The following EXOC4 variants were observed in gnomAD, a reference collection of about 807,000 sequenced individuals.
EXOC4 encodes the protein SEC8-like 1.
A neutral mutation model predicts 107.2 loss-of-function variants in EXOC4; 71 were observed. The observed-to-expected ratio is 0.66, with a 90% CI of 0.55 to 0.81. EXOC4 has a LOEUF of 0.81. EXOC4 is among the 30% of genes least tolerant of loss of function. The pLI is 0.00. For synonymous variants in EXOC4, 456 were observed against 441.2 expected, an observed-to-expected ratio of 1.03 and a Z score of -0.42; for missense variants, 1,108 against 1,189.6, an observed-to-expected ratio of 0.93 and a Z score of 1.01.
chr7:134,055,493 G>A (rs1795899782), intron 17 of EXOC4, among the ~76,000 whole-genome samples: 1 of 152,162 alleles, frequency 6.6e-6, no homozygotes, highest in Admixed American at 6.5e-5. Flanking sequence ...CGCTTTCGTT[G>A]ATGGGAGCAT....
At chr7:133,795,730 T>A (rs1563001155) in intron 10 of EXOC4, among the ~76,000 whole-genome samples, 1 of 152,200 alleles carries the variant, frequency 6.6e-6, no homozygotes, top group Non-Finnish European at 1.5e-5. Flanking sequence ...TGGTGGAACT[T>A]ATGTGACAAA....
rs138928731 is a variant in EXOC4, at chr7:133,886,293, G to T, written c.1735-9306G>T. On this transcript the variant is annotated intron_variant, in intron 11 of 17. Transcript: ENST00000253861. ...TTTGATTCAGTATTTTCCAAATTATGTGGACCGGGAGCCAATTTTCTGTAA... is the reference window on the plus strand; with the variant it reads ...TTTGATTCAGTATTTTCCAAATTATTTGGACCGGGAGCCAATTTTCTGTAA... Among the ~76,000 whole-genome samples the T allele has an allele frequency of 2.4e-3, 365 of 152,276 alleles. 5 individuals carry two copies. The highest frequency in any genetic ancestry group is 8.2e-3 in the African/African-American group (341 of 41,564).
At chr7:133,334,903 C>G (rs1795476701) in intron 5 of EXOC4, among the ~76,000 whole-genome samples, 1 of 152,176 alleles carries the variant, frequency 6.6e-6, no homozygotes, top group Admixed American at 6.5e-5. Context: ...AGGACATGAT[C>G]TCGTTCTTTT....
Position 133,570,715 on chromosome 7 carries a change from A to G in EXOC4, c.1418-59330A>G, listed in dbSNP as rs925641607. On this transcript the variant is annotated intron_variant, in intron 9 of 17. Transcript: ENST00000253861. ...AACCAGGACTCTTATCCACTCCTCA[A>G]TATTTTTTTTTGATGTATGGTTTTT... Among the ~76,000 whole-genome samples the G allele has an allele frequency of 5.3e-5, 8 of 152,280 alleles. 1 individual carries two copies. In the Middle Eastern group the frequency reaches 0.01, roughly 194 times the overall value.
chr7:133,257,989 G>T (rs1225500818), intron 1 of EXOC4, among the ~76,000 whole-genome samples: 2 of 152,302 alleles, frequency 1.3e-5, no homozygotes, highest in East Asian at 3.9e-4. Context: ...ACTCTGTTCT[G>T]AGCCGAGTCT....
At position 133,253,827 on chromosome 7, in the gene EXOC4, C is replaced by T. The variant is rs549961987; in HGVS notation, c.86+640C>T. The stretch of plus-strand genomic sequence containing the variant: ...TCAAATTATCCTCCATGCACTGCCC[C>T]TCTGCACCTCCCAGAAGATTAGGGT... On this transcript the variant is annotated intron_variant, in intron 1 of 17. Coordinates refer to ENST00000253861, the MANE Select transcript of EXOC4 (RefSeq NM_021807.4). The T allele has an allele frequency of 2.0e-5, 3 of 152,322 alleles. No individual in the cohort carries two copies. In the South Asian group the frequency reaches 6.2e-4, roughly 32 times the overall value. 9.4% of individuals were successfully genotyped at this position (152,322 alleles called of 1,614,324 possible).
intron 7 of EXOC4, among the ~76,000 whole-genome samples, chr7:133,389,109 A>G (rs1796794114): frequency 3.3e-5 from 5 of 152,324 alleles, no homozygotes; most frequent in Middle Eastern, 3.4e-3. Flanking sequence ...AGCAGTGTGC[A>G]AAATGAATTG....
chr7:133,474,564 C>T (rs748652210), intron 7 of EXOC4, among the ~76,000 whole-genome samples: 7 of 151,472 alleles, frequency 4.6e-5, no homozygotes, highest in Admixed American at 1.3e-4. Flanking sequence ...CCTCCTACCT[C>T]AGCCTCCCAA....
chr7:134,068,754 G>T (rs1004209986), downstream of EXOC4, among the ~76,000 whole-genome samples: 1 of 152,076 alleles, frequency 6.6e-6, no homozygotes, highest in African/African-American at 2.4e-5. Flanking sequence ...TTCTGAGCCC[G>T]ACGGTCCTTA....
intron 12 of EXOC4, among the ~76,000 whole-genome samples, chr7:133,917,370 C>T (rs1345253712): frequency 6.6e-6 from 1 of 152,166 alleles, no homozygotes; most frequent in Non-Finnish European, 1.5e-5. Flanking sequence ...CACGATTACT[C>T]AACAACTAAG....
chr7:133,902,770 G>A (rs771112319), intron 12 of EXOC4, among the ~76,000 whole-genome samples: 3 of 151,874 alleles, frequency 2.0e-5, no homozygotes, highest in Non-Finnish European at 4.4e-5. Flanking sequence ...CAGGAGAATC[G>A]CTTGAACCCG....
rs73442612 is a variant in EXOC4 at position 133,984,072 on chromosome 7, T to C, written c.2207-13420T>C. On this transcript the variant is annotated intron_variant, in intron 14 of 17. Transcript: ENST00000253861. Reference sequence around the variant, plus strand: ...AGTCTGTACTATCAATCACAAGGTATAAAAAACATGTGTCTAGGCTGGTTT... The same window carrying C: ...AGTCTGTACTATCAATCACAAGGTACAAAAAACATGTGTCTAGGCTGGTTT... Among the ~76,000 whole-genome samples, 494 of 152,308 alleles carry C rather than the reference T, an allele frequency of 3.2e-3. 5 individuals carry two copies. The highest frequency in any genetic ancestry group is 0.011 in the African/African-American group (474 of 41,556).
At chr7:133,749,253 A>G (rs1795739873) in intron 10 of EXOC4, among the ~76,000 whole-genome samples, 2 of 152,150 alleles carry the variant, frequency 1.3e-5, no homozygotes, top group Non-Finnish European at 1.5e-5. Flanking sequence ...GCCTGAAGGG[A>G]TGATGGAAAG....
At chr7:133,691,765 G>C (rs1260791662) in intron 10 of EXOC4, among the ~76,000 whole-genome samples, 2 of 152,206 alleles carry the variant, frequency 1.3e-5, no homozygotes, top group Non-Finnish European at 2.9e-5. Context: ...AGCCAAAGTT[G>C]CTTCCTGGGG....
At chr7:133,646,735 G>A (rs1343891138) in intron 10 of EXOC4, among the ~76,000 whole-genome samples, 2 of 152,190 alleles carry the variant, frequency 1.3e-5, no homozygotes, top group African/African-American at 4.8e-5. Context: ...GCCTGGAGAA[G>A]TTTACATTTG....
In EXOC4 at chr7:133,510,523, A is replaced by G. The variant is rs139668758; in HGVS notation, c.1417+30385A>G. ...AATTGCCTAACTACTGGTCTCTAAA[A>G]CCTGTGATTTTCTTATCTCTAAAAG... On this transcript the variant is annotated intron_variant, in intron 9 of 17. Coordinates refer to ENST00000253861, the MANE Select transcript of EXOC4 (RefSeq NM_021807.4). Among the ~76,000 whole-genome samples the G allele has an allele frequency of 5.0e-3, 757 of 152,134 alleles. 5 individuals carry two copies. Among genetic ancestry groups the G allele is most frequent in the Non-Finnish European group, 7.4e-3 (506 of 68,006 alleles).
At position 133,358,874 on chromosome 7, in the gene EXOC4, G is replaced by T. The variant is rs549616722; in HGVS notation, c.1007+2301G>T. 3.9e-5 allele frequency among the ~76,000 whole-genome samples: 6 copies of T among 152,116 alleles called. No homozygotes were observed. The East Asian group carries it at 1.2e-3, about 29-fold the overall frequency. ...TAATAGAAATTCAGCACACTGCCCT[G>T]GGAAATACTAAATGTTTCTCTATGA... On this transcript the variant is annotated intron_variant, in intron 6 of 17. Transcript: ENST00000253861.
intron 7 of EXOC4, among the ~76,000 whole-genome samples, chr7:133,456,251 C>A (rs1254019892): frequency 6.6e-6 from 1 of 152,126 alleles, no homozygotes; most frequent in Non-Finnish European, 1.5e-5. Flanking sequence ...ATAGGGATCA[C>A]CAGATTCTAG....
intron 10 of EXOC4, among the ~76,000 whole-genome samples, chr7:133,772,836 A>G (rs945170225): frequency 1.3e-5 from 2 of 152,014 alleles, no homozygotes; most frequent in South Asian, 2.1e-4. Context: ...CCTGAGTTCT[A>G]CGCTGTTACT....
Sources: gnomAD v4.1 joint callset for allele counts (sites outside exome capture counted in the v4.1 genomes callset) on GRCh38, gnomAD v4.1.1 for gene constraint, MANE v1.5 for transcripts, NCBI Gene and HGNC (gene_info 2026-07-23, HGNC 2026-07-21) for gene names.